CCDC88A: variants seen among roughly 807,000 people sequenced by gnomAD.
CCDC88A encodes the protein coiled-coil and HOOK domain protein 88A.
Under a neutral mutation model 234.3 loss-of-function variants are expected in CCDC88A, and 54 were observed. The observed-to-expected ratio is 0.23, with a 90% confidence interval of 0.19 to 0.29. The LOEUF is 0.29. CCDC88A is among the 10% of genes least tolerant of loss of function. The pLI is 1.00. For synonymous variants in CCDC88A, 753 were observed against 737.8 expected (o/e 1.02, Z -0.33); for missense variants, 1,832 against 2,123.4 (o/e 0.86, Z 2.70).
chr2:55,403,324 G>C (rs141449482), intron 2 of CCDC88A: 1 of 152,166 alleles, frequency 6.6e-6, no homozygotes, highest in African/African-American at 2.4e-5. Context: ...ATCGCACTTT[G>C]TTATGCAAGA....
chr2:55,378,904 T>A (rs1414077704), intron 3 of CCDC88A, among the ~76,000 whole-genome samples: 1 of 151,918 alleles, frequency 6.6e-6, no homozygotes, highest in Non-Finnish European at 1.5e-5. Flanking sequence ...CGCCACCACA[T>A]CCAGCCAATT....
At chr2:55,306,668 C>A (rs964230136) in intron 25 of CCDC88A, among the ~76,000 whole-genome samples, 1 of 152,164 alleles carries the variant, frequency 6.6e-6, no homozygotes, top group African/African-American at 2.4e-5. Context: ...TTACTGCTAT[C>A]TTCACCTTCC....
rs115334813 is a variant in CCDC88A, at chr2:55,321,227, A to T, written c.3162+1301T>A. 91 of 152,232 alleles carry T rather than the reference A, an allele frequency of 6.0e-4. 1 individual carries two copies. Among genetic ancestry groups the T allele is most frequent in the African/African-American group, 2.1e-3 (87 of 41,542 alleles). 9.4% of individuals were successfully genotyped at this position (152,232 alleles called of 1,614,324 possible). On this transcript the variant is annotated intron_variant, in intron 18 of 32. Transcript: ENST00000436346. ...CCTTTGGCCTTGCAATTTCACTGTCAGGAATTTAGCATTCTATGAACATGT... is the reference window on the plus strand; with the variant it reads ...CCTTTGGCCTTGCAATTTCACTGTCTGGAATTTAGCATTCTATGAACATGT...
At chr2:55,359,793 C>T (rs1223680285) in intron 7 of CCDC88A, among the ~76,000 whole-genome samples, 2 of 151,574 alleles carry the variant, frequency 1.3e-5, no homozygotes, top group Non-Finnish European at 2.9e-5. Context: ...CAAGACCTTG[C>T]AAAAACCAGG....
At chr2:55,333,157 G>A (rs1434796226) in intron 15 of CCDC88A, among the ~76,000 whole-genome samples, 1 of 152,294 alleles carries the variant, frequency 6.6e-6, no homozygotes, top group Admixed American at 6.5e-5. Flanking sequence ...TGTTGTTCAT[G>A]TTTATAAGTC....
chr2:55,328,182 TAGAC>T lies in CCDC88A; in HGVS notation c.2997+108_2997+111del, dbSNP rs1384531848. On this transcript the variant is annotated intron_variant, in intron 17 of 32. Coordinates refer to ENST00000436346, the MANE Select transcript of CCDC88A (RefSeq NM_001365480.1). The surrounding 1 kb of genome is among the most constrained non-coding windows in gnomAD (Gnocchi z 4.3). ...CTCAAGTTTATGAAAAAGGAAGAAATAGACTAAATATCAATAAAATGTTTATATT... is the reference window on the plus strand; with the variant it reads ...CTCAAGTTTATGAAAAAGGAAGAAATTAAATATCAATAAAATGTTTATATT... The T allele has an allele frequency of 2.4e-6, 2 of 832,894 alleles. No homozygotes were observed. The highest frequency in any genetic ancestry group is 3.5e-5 in the African/African-American group (2 of 56,988). 51.6% of individuals were successfully genotyped at this position (832,894 alleles called of 1,614,324 possible). A position where few individuals can be genotyped will look rare whatever the true frequency, so the allele number is the denominator to read the frequency against.
chr2:55,323,245 T>A (rs1683852692), intron 17 of CCDC88A: 3 of 152,232 alleles, frequency 2.0e-5, no homozygotes, highest in Non-Finnish European at 1.5e-5. Flanking sequence ...CAACTTAAAT[T>A]TAATATTACT....
rs1574045360 is a variant in CCDC88A at position 55,308,873 on chromosome 2, A to G, written c.4323T>C (p.Asp1441=). 7 of 1,614,170 alleles carry G rather than the reference A, an allele frequency of 4.3e-6. No individual in the cohort carries two copies. In the East Asian group the frequency reaches 1.6e-4, roughly 36 times the overall value. The change falls in exon 25 of 33, where the codon GAT becomes GAC. Residue 1441 remains aspartate (D), a synonymous_variant. Transcript: ENST00000436346. ...AAGAGTTTGAACCTACTGAAGAACT[A>G]TCTTGACTGTCTTGATGAGGGAGCT... is the stretch of plus-strand genomic sequence containing the variant. ...FLQLPHQDSQ[D]SSSVGSNSLE... is the part of the protein sequence containing the mutation.
chr2:55,332,687 C>A lies in CCDC88A; in HGVS notation c.2734G>T (p.Val912Leu), dbSNP rs764414631. The change falls in exon 16 of 33, where the codon GTG becomes TTG. Residue 912 changes from valine (V) to leucine (L), a missense_variant. Coordinates refer to ENST00000436346, the MANE Select transcript of CCDC88A (RefSeq NM_001365480.1). The surrounding 1 kb of genome is among the most constrained non-coding windows in gnomAD (Gnocchi z 4.5). ...KTLVTLREDL[V>L]SEKLKTQQMN... Reference sequence around the variant, plus strand: ...TGTTGGGTCTTCAACTTTTCACTCACCAAATCCTTATTTTAAAAGAAATGC... The same window carrying A: ...TGTTGGGTCTTCAACTTTTCACTCAACAAATCCTTATTTTAAAAGAAATGC... The A allele has an allele frequency of 6.2e-6, 10 of 1,612,374 alleles. No individual in the cohort carries two copies. Among genetic ancestry groups the A allele is most frequent in the Non-Finnish European group, 8.5e-6 (10 of 1,179,288 alleles).
intron 3 of CCDC88A, among the ~76,000 whole-genome samples, chr2:55,378,257 T>A (rs780890463): frequency 7.9e-5 from 12 of 152,318 alleles, no homozygotes; most frequent in Non-Finnish European, 1.5e-4. Flanking sequence ...GAAAGCAATC[T>A]CACACACTCT....
intron 12 of CCDC88A, 66 bp from the exon 13 acceptor site, chr2:55,339,714 T>C: frequency 2.1e-6 from 3 of 1,413,482 alleles, no homozygotes; most frequent in Non-Finnish European, 2.9e-6. Flanking sequence ...TACTCTTTAC[T>C]ATTTAAAAAG....
chr2:55,367,686 CTTGTT>C (rs1047614892), intron 5 of CCDC88A, among the ~76,000 whole-genome samples: 2 of 151,480 alleles, frequency 1.3e-5, no homozygotes, highest in African/African-American at 4.9e-5. Flanking sequence ...CAAGCAGAAA[CTTGTT>C]TTATTTCTAA....
rs1447080799 is a variant in CCDC88A at position 55,343,652 on chromosome 2, G to A, written c.1329C>T (p.Ser443=). Reference sequence around the variant, plus strand: ...AATTAAAAAAATTGGGAATACCTTCGGAAAGTTCACTAGTTCTGGATATCT... The same window carrying A: ...AATTAAAAAAATTGGGAATACCTTCAGAAAGTTCACTAGTTCTGGATATCT... ...LEQISRTSEL[S]EAPQKSLGHE... The change falls in exon 12 of 33, where the codon TCC becomes TCT. Residue 443 remains serine (S), a synonymous_variant. Coordinates refer to ENST00000436346, the MANE Select transcript of CCDC88A (RefSeq NM_001365480.1). 41 of 1,594,676 alleles carry A rather than the reference G, an allele frequency of 2.6e-5. 1 individual carries two copies. The highest frequency in any genetic ancestry group is 8.1e-5 in the South Asian group (7 of 86,174).
chr2:55,391,083 T>A (rs562113894), intron 2 of CCDC88A, among the ~76,000 whole-genome samples: 4 of 152,306 alleles, frequency 2.6e-5, no homozygotes, highest in African/African-American at 9.6e-5. Context: ...AAGAAAGCTG[T>A]AAGCTAAACA....
At chr2:55,379,090 T>C (rs1674168687) in intron 3 of CCDC88A, among the ~76,000 whole-genome samples, 1 of 152,088 alleles carries the variant, frequency 6.6e-6, no homozygotes, top group Non-Finnish European at 1.5e-5. Flanking sequence ...TATTTCCCCA[T>C]TCCAATTTTA....
intron 8 of CCDC88A, among the ~76,000 whole-genome samples, chr2:55,352,439 C>CA (rs1477469598): frequency 6.9e-6 from 1 of 145,248 alleles, no homozygotes; most frequent in African/African-American, 2.7e-5. Flanking sequence ...AAAAAAAACA[C>CA]ACAAAAAAAC....
At chr2:55,362,487 G>A in intron 6 of CCDC88A, 39 bp from the exon 7 acceptor site, 1 of 1,562,700 alleles carries the variant, frequency 6.4e-7, no homozygotes, top group Non-Finnish European at 8.6e-7. Flanking sequence ...CAAAAAAGTG[G>A]CTAATACTTA....
At chr2:55,293,494 A>AT (rs372092992) in intron 31 of CCDC88A, 14,464 of 143,846 alleles carry the variant, frequency 0.1, 947 homozygotes, top group East Asian at 0.34. Context: ...TACCAGAACC[A>AT]TTTTTTTTTT....
chr2:55,400,711 A>T (rs1678464010), intron 2 of CCDC88A, among the ~76,000 whole-genome samples: 1 of 152,214 alleles, frequency 6.6e-6, no homozygotes, highest in Non-Finnish European at 1.5e-5. Flanking sequence ...AAGAAACAGA[A>T]ATCTGATAGC....
Sources: allele counts gnomAD v4.1 joint callset (sites outside exome capture counted in the v4.1 genomes callset), GRCh38; gene constraint gnomAD v4.1.1; non-coding constraint Gnocchi (gnomAD v3.1); transcripts MANE v1.5; gene names NCBI Gene and HGNC (gene_info 2026-07-23, HGNC 2026-07-21).